The following PRDM6 variants were observed in gnomAD, a reference collection of about 807,000 sequenced individuals.
The protein encoded by PRDM6 is putative histone-lysine N-methyltransferase PRDM6.
PRDM6 carries 25 observed loss-of-function variants against 60.8 expected under a neutral mutation model. The ratio of observed to expected loss-of-function variants is 0.41; its 90% CI spans 0.30 to 0.57. The LOEUF is 0.57. PRDM6 is among the 20% of genes least tolerant of loss of function. The pLI is 0.27. For synonymous variants in PRDM6, 407 were observed against 357.4 expected (o/e 1.14, Z -1.57); for missense variants, 839 against 821.3 (o/e 1.02, Z -0.26).
chr5:123,140,173 A>G (rs1765064564), intron 3 of PRDM6, among the ~76,000 whole-genome samples: 1 of 152,142 alleles, frequency 6.6e-6, no homozygotes, highest in Admixed American at 6.6e-5. Context: ...TCTAAGATGT[A>G]GTAACATCTT....
In PRDM6 at chr5:123,180,129, T is replaced by C; in HGVS notation, c.1497-18T>C. The C allele has an allele frequency of 1.3e-6, 2 of 1,518,668 alleles. No individual in the cohort carries two copies. The highest frequency in any genetic ancestry group is 1.8e-6 in the Non-Finnish European group (2 of 1,125,898). 94.1% of individuals were successfully genotyped at this position (1,518,668 alleles called of 1,614,324 possible). A position where few individuals can be genotyped will look rare whatever the true frequency, so the allele number is the denominator to read the frequency against. The stretch of plus-strand genomic sequence containing the variant: ...AACGCAGAAAACAATGACCAGACAG[T>C]CTGTTTATTTGTTTCAGACCCTACC... On this transcript the variant is annotated intron_variant, in intron 6 of 7. Coordinates refer to ENST00000407847, the MANE Select transcript of PRDM6 (RefSeq NM_001136239.4).
chr5:123,158,912 G>T (rs1354616708), intron 4 of PRDM6, among the ~76,000 whole-genome samples: 1 of 152,012 alleles, frequency 6.6e-6, no homozygotes. Flanking sequence ...GTTTCAGAGT[G>T]TAATCTTTCA....
intron 6 of PRDM6, among the ~76,000 whole-genome samples, chr5:123,172,647 T>C (rs1561878143): frequency 6.6e-6 from 1 of 152,266 alleles, no homozygotes; most frequent in Non-Finnish European, 1.5e-5. Context: ...ATTATAAACT[T>C]GCTTTTTAAA....
intron 4 of PRDM6, 131 bp downstream of exon 4, chr5:123,156,142 T>A: frequency 2.3e-6 from 2 of 870,846 alleles, no homozygotes; most frequent in Non-Finnish European, 3.4e-6. Context: ...ATTTTTTTTT[T>A]TTGCTAGGTT....
At chr5:123,115,323 G>A (rs1383419755) in intron 3 of PRDM6, among the ~76,000 whole-genome samples, 1 of 152,072 alleles carries the variant, frequency 6.6e-6, no homozygotes, top group Admixed American at 6.5e-5. Flanking sequence ...TCCCAACTGA[G>A]GCCATACCAG....
chr5:123,108,891 T>C (rs1764250577), intron 3 of PRDM6, among the ~76,000 whole-genome samples: 1 of 152,178 alleles, frequency 6.6e-6, no homozygotes, highest in African/African-American at 2.4e-5. Flanking sequence ...ATCTTGGAAA[T>C]TGCAACCAAT....
At chr5:123,093,339 A>G (rs1763885483) in intron 2 of PRDM6, among the ~76,000 whole-genome samples, 1 of 152,182 alleles carries the variant, frequency 6.6e-6, no homozygotes, top group Admixed American at 6.5e-5. Context: ...AGCAATACAT[A>G]TCATTGCTCT....
chr5:123,099,557 G>GGT lies in PRDM6; in HGVS notation c.593-95_593-94dup. ...TCGAAGGTGGCTTACCCAGGCGGGC[G>GGT]GTGATGCTGTTGTCTCGGGAGTTTA... is the stretch of plus-strand genomic sequence containing the variant. On this transcript the variant is annotated intron_variant, in intron 2 of 7. Transcript: ENST00000407847. This position sits in a 1 kb window ranked among gnomAD's most constrained non-coding sequence, Gnocchi z 4.0. The GGT allele has an allele frequency of 8.6e-7, 1 of 1,157,702 alleles. No homozygotes were observed. The highest frequency in any genetic ancestry group is 1.2e-6 in the Non-Finnish European group (1 of 857,542). 71.7% of individuals were successfully genotyped at this position (1,157,702 alleles called of 1,614,324 possible).
chr5:123,091,602 T>A (rs929907443), intron 2 of PRDM6, among the ~76,000 whole-genome samples: 1 of 152,250 alleles, frequency 6.6e-6, no homozygotes, highest in East Asian at 1.9e-4. Context: ...TTTTTGATAA[T>A]TTCAGAAGTT....
chr5:123,137,742 A>G (rs1764996495), intron 3 of PRDM6, among the ~76,000 whole-genome samples: 1 of 152,084 alleles, frequency 6.6e-6, no homozygotes, highest in African/African-American at 2.4e-5. Context: ...TACCTATGTA[A>G]CAGACCTGCA....
At chr5:123,167,425 T>C (rs1339727530) in intron 5 of PRDM6, among the ~76,000 whole-genome samples, 4 of 152,060 alleles carry the variant, frequency 2.6e-5, no homozygotes, top group Non-Finnish European at 5.9e-5. Context: ...GTTTCACTCT[T>C]GTTACCCAGG....
At chr5:123,093,366 G>A (rs936083409) in intron 2 of PRDM6, among the ~76,000 whole-genome samples, 6 of 152,162 alleles carry the variant, frequency 3.9e-5, no homozygotes, top group African/African-American at 1.4e-4. Flanking sequence ...AAAGAACTTA[G>A]GAACACTAGT....
In PRDM6 at chr5:123,160,980, A is replaced by C. The variant is rs1282776777; in HGVS notation, c.1153+1342A>C. On this transcript the variant is annotated intron_variant, in intron 5 of 7. Transcript: ENST00000407847. ...GAATGACTCCATGCCCCATGCCCCC[A>C]AAACTAGATCTTTATCTATGCACAG... 5.9e-5 allele frequency among the ~76,000 whole-genome samples: 9 copies of C among 152,296 alleles called. 1 individual carries two copies. The highest frequency in any genetic ancestry group is 5.9e-4 in the Admixed American group (9 of 15,308).
chr5:123,177,552 A>C (rs1766045362), intron 6 of PRDM6, among the ~76,000 whole-genome samples: 1 of 152,190 alleles, frequency 6.6e-6, no homozygotes, highest in Non-Finnish European at 1.5e-5. Flanking sequence ...AGATTTTCTT[A>C]CTCTGAATTC....
At chr5:123,117,470 C>T (rs1427119901) in intron 3 of PRDM6, among the ~76,000 whole-genome samples, 9 of 152,078 alleles carry the variant, frequency 5.9e-5, no homozygotes, top group Non-Finnish European at 8.8e-5. Context: ...GTTTAGTGGC[C>T]TGGCATGATG....
chr5:123,190,358 G>A lies in PRDM6; in HGVS notation c.*3157G>A, dbSNP rs565976016. On this transcript the variant is annotated 3_prime_UTR_variant, in exon 8 of 8. Transcript: ENST00000407847. ...AATCTCAATATCCCAAGGCAAAGTT[G>A]TATTTTCCCCAGGATATGTGCATAC... is the stretch of plus-strand genomic sequence containing the variant. The A allele has an allele frequency of 2.6e-5, 4 of 152,248 alleles. No homozygotes were observed. The East Asian group carries it at 5.8e-4, about 22-fold the overall frequency. 9.4% of individuals were successfully genotyped at this position (152,248 alleles called of 1,614,324 possible). A position where few individuals can be genotyped will look rare whatever the true frequency, so the allele number is the denominator to read the frequency against.
intron 3 of PRDM6, among the ~76,000 whole-genome samples, chr5:123,149,462 T>C (rs1765326451): frequency 6.6e-6 from 1 of 152,128 alleles, no homozygotes; most frequent in South Asian, 2.1e-4. Context: ...ATATGGTAGG[T>C]GATGTTCAGT....
chr5:123,091,311 C>T (rs1763836746), intron 2 of PRDM6, among the ~76,000 whole-genome samples: 2 of 152,184 alleles, frequency 1.3e-5, no homozygotes, highest in South Asian at 4.1e-4. Flanking sequence ...TCCGCTGATC[C>T]CGCTTTATCC....
chr5:123,160,758 C>T (rs931262190), intron 5 of PRDM6, among the ~76,000 whole-genome samples: 1 of 152,178 alleles, frequency 6.6e-6, no homozygotes, highest in South Asian at 2.1e-4. Context: ...AAACCAATCT[C>T]AAATCAAAAA....
Sources: gnomAD v4.1 joint callset for allele counts (sites outside exome capture counted in the v4.1 genomes callset) on GRCh38, gnomAD v4.1.1 for gene constraint, Gnocchi (gnomAD v3.1) non-coding constraint, MANE v1.5 for transcripts, NCBI Gene and HGNC (gene_info 2026-07-23, HGNC 2026-07-21) for gene names.